Variants in SV2C observed in about 807,000 individuals in gnomAD.
SV2C encodes solute carrier family 22 member B3.
In SV2C, 49 loss-of-function variants were observed where a neutral mutation model predicts 79.7. The observed-to-expected ratio is 0.61, with a 90% CI of 0.49 to 0.78. The LOEUF (loss-of-function observed/expected upper bound fraction) is 0.78. Ranked by LOEUF, SV2C falls within the 30% of genes least tolerant of loss-of-function variation. SV2C has a pLI of 0.00. For missense variants in SV2C, 833 were observed against 912.9 expected (o/e 0.91, Z 1.13); for synonymous variants, 334 against 333.2 (o/e 1.00, Z -0.03).
chr5:76,319,820 C>T (rs1748767294), intron 12 of SV2C, among the ~76,000 whole-genome samples: 1 of 152,112 alleles, frequency 6.6e-6, no homozygotes, highest in Non-Finnish European at 1.5e-5. Context: ...GTTATTTTAA[C>T]CTAGATGCAA....
the SV2C span, among the ~76,000 whole-genome samples, chr5:75,924,368 T>G: frequency 1.3e-5 from 2 of 152,168 alleles, no homozygotes; most frequent in Non-Finnish European, 2.9e-5. Flanking sequence ...TACATATCCA[T>G]GTAACCAAAA....
At chr5:76,029,182 A>G in the SV2C span, among the ~76,000 whole-genome samples, 289 of 152,354 alleles carry the variant, frequency 1.9e-3, 1 homozygote, top group Admixed American at 3.6e-3. Flanking sequence ...GATTGACTAA[A>G]TATAACTAAC....
Position 76,285,198 on chromosome 5 carries a change from A to C in SV2C, c.950A>C (p.His317Pro), listed in dbSNP as rs1050237357. 1.9e-6 allele frequency: 3 copies of C among 1,613,908 alleles called. No individual in the cohort carries two copies. The African/African-American group carries it at 4.0e-5, about 22-fold the overall frequency. The change falls in exon 5 of 13, where the codon CAC (histidine) becomes CCC (proline). Residue 317 changes from histidine to proline, a missense_variant. By Grantham distance (77) the His-to-Pro change is moderately conservative. Transcript: ENST00000502798. Reference protein sequence around the residue: ...SFSMGSAYQFHSWRVFVIVCA... With the variant: ...SFSMGSAYQFPSWRVFVIVCA... The stretch of plus-strand genomic sequence containing the variant: ...AGCATGGGATCGGCCTACCAGTTTC[A>C]CAGTTGGCGTGTGTTTGTCATCGTC...
chr5:76,001,006 TA>T, the SV2C span, among the ~76,000 whole-genome samples: 1,955 of 136,744 alleles, frequency 0.014, 12 homozygotes, highest in African/African-American at 0.025. Context: ...TCGGTACAAT[TA>T]AAAAAAAAAA....
the SV2C span, among the ~76,000 whole-genome samples, chr5:75,988,715 A>G: frequency 3.9e-5 from 6 of 151,976 alleles, no homozygotes; most frequent in Non-Finnish European, 7.4e-5. Context: ...AAAGGCCTGA[A>G]GGAAACCAGA....
At chr5:75,986,874 A>G in the SV2C span, among the ~76,000 whole-genome samples, 2 of 152,132 alleles carry the variant, frequency 1.3e-5, no homozygotes, top group East Asian at 1.9e-4. Flanking sequence ...TTTGAGGCAG[A>G]GGCCAGATGC....
At chr5:75,947,829 T>C in the SV2C span, among the ~76,000 whole-genome samples, 2 of 152,016 alleles carry the variant, frequency 1.3e-5, no homozygotes, top group African/African-American at 4.8e-5. Context: ...TAAATAACAT[T>C]GGTCTTCTCC....
chr5:76,168,910 C>G (rs574469894), intron 2 of SV2C, among the ~76,000 whole-genome samples: 1 of 152,070 alleles, frequency 6.6e-6, no homozygotes, highest in Non-Finnish European at 1.5e-5. Flanking sequence ...ATTCCTCCAG[C>G]GTGACATTTA....
intron 3 of SV2C, among the ~76,000 whole-genome samples, chr5:76,195,609 A>G (rs1375374315): frequency 6.6e-6 from 1 of 152,220 alleles, no homozygotes; most frequent in African/African-American, 2.4e-5. Flanking sequence ...TTGAATTAAC[A>G]GAAGTTGTGC....
the SV2C span, among the ~76,000 whole-genome samples, chr5:76,060,049 G>C: frequency 6.6e-6 from 1 of 152,128 alleles, no homozygotes; most frequent in Non-Finnish European, 1.5e-5. Context: ...GGCCTCAACA[G>C]TGCACTTGAA....
the SV2C span, among the ~76,000 whole-genome samples, chr5:75,878,077 C>A: frequency 0.12 from 18,874 of 151,808 alleles, 1,356 homozygotes; most frequent in African/African-American, 0.22. Flanking sequence ...GTATGCACGC[C>A]AATTATACTT....
At chr5:75,906,521 C>T in the SV2C span, among the ~76,000 whole-genome samples, 1 of 150,852 alleles carries the variant, frequency 6.6e-6, no homozygotes, top group East Asian at 1.9e-4. Flanking sequence ...AGAAGAAAAA[C>T]TGGATTGTTA....
intron 3 of SV2C, among the ~76,000 whole-genome samples, chr5:76,197,825 G>C (rs1159032124): frequency 6.6e-6 from 1 of 152,082 alleles, no homozygotes. Flanking sequence ...GAAATGCTGG[G>C]ATGCCAGTAG....
chr5:76,225,046 G>A (rs2112386565), intron 4 of SV2C, among the ~76,000 whole-genome samples: 1 of 152,268 alleles, frequency 6.6e-6, no homozygotes, highest in Admixed American at 6.5e-5. Flanking sequence ...AGCCAGTGTG[G>A]CCATTCAGCA....
intron 2 of SV2C, among the ~76,000 whole-genome samples, chr5:76,183,021 G>A (rs1743795726): frequency 7.2e-6 from 1 of 138,010 alleles, no homozygotes; most frequent in African/African-American, 2.7e-5. Context: ...CATCTCATGA[G>A]AACCTACCAT....
the SV2C span, among the ~76,000 whole-genome samples, chr5:76,048,617 T>G: frequency 6.6e-6 from 1 of 151,962 alleles, no homozygotes; most frequent in African/African-American, 2.4e-5. Flanking sequence ...TGGGTCATAA[T>G]CCAGCCTGAC....
At chr5:75,978,786 A>G in the SV2C span, among the ~76,000 whole-genome samples, 2 of 152,122 alleles carry the variant, frequency 1.3e-5, no homozygotes, top group Non-Finnish European at 1.5e-5. Flanking sequence ...ACCCATTCGT[A>G]TGCTGTCTTC....
chr5:76,267,286 G>A (rs530873957), intron 4 of SV2C, among the ~76,000 whole-genome samples: 10 of 152,190 alleles, frequency 6.6e-5, no homozygotes, highest in South Asian at 2.1e-4. Flanking sequence ...TGTGGGTACC[G>A]GAAAATATTT....
intron 3 of SV2C, among the ~76,000 whole-genome samples, chr5:76,199,179 G>T (rs2112335920): frequency 6.6e-6 from 1 of 152,000 alleles, no homozygotes. Context: ...TAAAACTTAA[G>T]CCAGAGAATT....
Sources: gnomAD v4.1 joint callset for allele counts (sites outside exome capture counted in the v4.1 genomes callset) on GRCh38, gnomAD v4.1.1 for gene constraint, MANE v1.5 for transcripts, NCBI Gene and HGNC (gene_info 2026-07-23, HGNC 2026-07-21) for gene names.